COL25A1: variants seen among roughly 807,000 people sequenced by gnomAD.
The protein encoded by COL25A1 is collagen type XXV alpha 1 chain.
A neutral mutation model predicts 128.4 loss-of-function variants in COL25A1; 103 were observed. That is an observed-to-expected ratio of 0.80 (90% confidence interval 0.68 to 0.94). The LOEUF (loss-of-function observed/expected upper bound fraction) is 0.94, where lower values mean the gene tolerates loss of function less well. COL25A1 is among the 40% of genes least tolerant of loss of function. COL25A1 has a pLI of 0.00. For synonymous variants in COL25A1, 279 were observed against 277.2 expected, an observed-to-expected ratio of 1.01 and a Z score of -0.06; for missense variants, 745 against 840.0, an observed-to-expected ratio of 0.89 and a Z score of 1.40.
chr4:108,896,039 A>G (rs7675262), intron 16 of COL25A1, among the ~76,000 whole-genome samples: 80,740 of 146,102 alleles, frequency 0.55, 23,034 homozygotes, highest in East Asian at 0.93. Context: ...TCCACCTCCC[A>G]GGTTCACGCC....
intron 3 of COL25A1, among the ~76,000 whole-genome samples, chr4:109,138,948 C>A (rs1012473935): frequency 2.6e-5 from 4 of 152,122 alleles, no homozygotes; most frequent in African/African-American, 9.7e-5. Flanking sequence ...ACCTTGTGAT[C>A]CGCCCACCTC....
intron 3 of COL25A1, among the ~76,000 whole-genome samples, chr4:109,281,266 T>C (rs1345529345): frequency 6.6e-6 from 1 of 152,186 alleles, no homozygotes; most frequent in African/African-American, 2.4e-5. Context: ...CTTTTCTTGA[T>C]TAGCCAGAAT....
chr4:108,983,421 A>G (rs1196723080), intron 6 of COL25A1, among the ~76,000 whole-genome samples: 4 of 152,180 alleles, frequency 2.6e-5, no homozygotes, highest in Non-Finnish European at 4.4e-5. Context: ...GGTTTAATCT[A>G]TAATTATCGA....
intron 3 of COL25A1, among the ~76,000 whole-genome samples, chr4:109,182,814 G>A (rs1774787804): frequency 1.3e-5 from 2 of 152,030 alleles, no homozygotes; most frequent in Admixed American, 6.6e-5. Context: ...TACCCCAGCA[G>A]GTGTTAGGAT....
chr4:108,978,564 A>G (rs951205431), intron 6 of COL25A1, among the ~76,000 whole-genome samples: 2 of 152,256 alleles, frequency 1.3e-5, no homozygotes, highest in South Asian at 4.1e-4. Flanking sequence ...TTAGCATTAA[A>G]AAAGCTAACT....
At chr4:109,076,354 T>A (rs1763372122) in intron 3 of COL25A1, among the ~76,000 whole-genome samples, 1 of 152,202 alleles carries the variant, frequency 6.6e-6, no homozygotes, top group Non-Finnish European at 1.5e-5. Context: ...TTGTTCTTTG[T>A]CCCACTTTCA....
intron 3 of COL25A1, among the ~76,000 whole-genome samples, chr4:109,241,435 A>G (rs1031133232): frequency 6.6e-6 from 1 of 151,980 alleles, no homozygotes; most frequent in Non-Finnish European, 1.5e-5. Context: ...AAAATAATAG[A>G]AACCTTGTTT....
intron 34 of COL25A1, 39 bp from the exon 35 acceptor site, chr4:108,824,266 T>A: frequency 7.2e-7 from 1 of 1,389,446 alleles, no homozygotes; most frequent in Non-Finnish European, 1.0e-6. Context: ...TCTATTGGTG[T>A]AATAGTGGCA....
intron 3 of COL25A1, among the ~76,000 whole-genome samples, chr4:109,074,650 A>G (rs1346047784): frequency 6.6e-6 from 1 of 152,224 alleles, no homozygotes; most frequent in Non-Finnish European, 1.5e-5. Flanking sequence ...TTAACATACT[A>G]TCCGAAGGGA....
At chr4:108,814,001 T>A (rs1731017050) in intron 37 of COL25A1, 72 bp from the exon 38 acceptor site, 1 of 1,220,046 alleles carries the variant, frequency 8.2e-7, no homozygotes, top group Non-Finnish European at 1.2e-6. Context: ...AAATCAATAT[T>A]TATTTTCAGA....
intron 3 of COL25A1, among the ~76,000 whole-genome samples, chr4:109,083,525 C>G (rs966915653): frequency 1.9e-4 from 24 of 127,244 alleles, no homozygotes; most frequent in Non-Finnish European, 2.2e-4. Flanking sequence ...TGCAGTGGCG[C>G]GATCTCGACT....
intron 3 of COL25A1, among the ~76,000 whole-genome samples, chr4:109,272,034 T>C (rs900628045): frequency 6.6e-6 from 1 of 151,722 alleles, no homozygotes; most frequent in East Asian, 1.9e-4. Context: ...AGCCTAGGAG[T>C]TCGAGACCAG....
At chr4:109,300,774 A>G (rs1725440886) in intron 2 of COL25A1, 122 bp from the exon 3 acceptor site, 1 of 670,920 alleles carries the variant, frequency 1.5e-6, no homozygotes. Context: ...TAACATTTAC[A>G]TATGTACTTG....
Position 108,863,326 on chromosome 4 carries a change from C to G in COL25A1, c.1145G>C (p.Gly382Ala). The G allele has an allele frequency of 6.2e-7, 1 of 1,613,730 alleles. No homozygotes were observed. The highest frequency in any genetic ancestry group is 8.5e-7 in the Non-Finnish European group (1 of 1,179,836). ...AGTTTAAGAATAACTCACCTTTGGT[C>G]CGGGGGCTCCAGGTTCCCCTCGCTC... ...RGERGEPGAP[G>A]PKGKQGESGT... The change falls in exon 21 of 38, where the codon GGA becomes GCA. Residue 382 changes from glycine (G) to alanine (A), a missense_variant. By Grantham distance (60) the Gly-to-Ala change is moderately conservative (BLOSUM62 0). This residue lies in a region of COL25A1 where 387 missense variants were observed against 441.9 expected (regional missense o/e 0.88). Transcript: ENST00000399132.
intron 3 of COL25A1, among the ~76,000 whole-genome samples, chr4:109,181,110 A>G (rs1774587807): frequency 6.6e-6 from 1 of 152,104 alleles, no homozygotes; most frequent in Non-Finnish European, 1.5e-5. Flanking sequence ...CACTCCTAAA[A>G]ACACATTTTT....
At position 108,929,197 on chromosome 4, in the gene COL25A1, C is replaced by T. The variant is rs184875618; in HGVS notation, c.709-8593G>A. On this transcript the variant is annotated intron_variant, in intron 11 of 37. Coordinates refer to ENST00000399132, the MANE Select transcript of COL25A1 (RefSeq NM_198721.4). ...GGAGTGCAATGGTGCGACTTTGGCTCACTGCAACCTCTGCCTCCCAGGTTC... is the reference window on the plus strand; with the variant it reads ...GGAGTGCAATGGTGCGACTTTGGCTTACTGCAACCTCTGCCTCCCAGGTTC... Among the ~76,000 whole-genome samples the T allele has an allele frequency of 4.7e-4, 72 of 152,198 alleles. 1 individual carries two copies. The highest frequency in any genetic ancestry group is 1.7e-3 in the African/African-American group (71 of 41,530).
chr4:109,178,584 G>A (rs770412955), intron 3 of COL25A1, among the ~76,000 whole-genome samples: 4 of 152,014 alleles, frequency 2.6e-5, no homozygotes, highest in Admixed American at 6.6e-5. Flanking sequence ...CAGCACTTTC[G>A]GAGGCCGAGG....
chr4:109,013,732 G>A (rs1756925934), intron 5 of COL25A1, among the ~76,000 whole-genome samples: 2 of 152,044 alleles, frequency 1.3e-5, no homozygotes, highest in Admixed American at 6.5e-5. Flanking sequence ...CTTCACTCCC[G>A]AAGCCAGCGA....
chr4:108,833,537 G>A (rs1246858812), intron 31 of COL25A1, among the ~76,000 whole-genome samples: 1 of 152,154 alleles, frequency 6.6e-6, no homozygotes, highest in Non-Finnish European at 1.5e-5. Flanking sequence ...AAGTATACTT[G>A]CTCATTTCCA....
Sources: gnomAD v4.1 joint callset for allele counts (sites outside exome capture counted in the v4.1 genomes callset) on GRCh38, gnomAD v4.1.1 for gene constraint, gnomAD v4.1.1 regional missense constraint, MANE v1.5 for transcripts, NCBI Gene and HGNC (gene_info 2026-07-23, HGNC 2026-07-21) for gene names.